MAK16: variants seen among roughly 807,000 people sequenced by gnomAD.
MAK16 encodes protein MAK16 homolog.
A neutral mutation model predicts 49.9 loss-of-function variants in MAK16; 12 were observed. That is an observed-to-expected ratio of 0.24 (90% CI 0.15 to 0.39). The LOEUF is 0.39. Ranked by LOEUF, MAK16 falls within the 10% of genes least tolerant of loss-of-function variation. The pLI is 1.00. For missense variants in MAK16, 292 were observed against 363.7 expected, an observed-to-expected ratio of 0.80 and a Z score of 1.60; for synonymous variants, 115 against 126.4, an observed-to-expected ratio of 0.91 and a Z score of 0.60.
Position 33,488,996 on chromosome 8 carries a change from T to A in MAK16, c.249T>A (p.Leu83=), listed in dbSNP as rs768515770. 6.2e-6 allele frequency: 10 copies of A among 1,614,034 alleles called. No homozygotes were observed. Among genetic ancestry groups the A allele is most frequent in the Admixed American group, 1.7e-5 (1 of 59,954 alleles). Residue 83 remains leucine (L), a synonymous_variant, in exon 5 of 10, where the codon CTT becomes CTA. Coordinates refer to ENST00000360128, the MANE Select transcript of MAK16 (RefSeq NM_032509.4). Reference sequence around the variant, plus strand: ...CTGTTTCTGTTTGGTAGGTCCGGCTTAGTAAAAACTATGAGAAAGCACTGG... The same window carrying A: ...CTGTTTCTGTTTGGTAGGTCCGGCTAAGTAAAAACTATGAGAAAGCACTGG... ...FPRRLWERVR[L]SKNYEKALEQ... is the part of the protein sequence containing the mutation.
At position 33,489,327 on chromosome 8, in the gene MAK16, A is replaced by G; in HGVS notation, c.392+188A>G. 1.8e-6 allele frequency: 1 copy of G among 546,690 alleles called. No individual in the cohort carries two copies. 33.9% of individuals were successfully genotyped at this position (546,690 alleles called of 1,614,324 possible). A position where few individuals can be genotyped will look rare whatever the true frequency, so the allele number is the denominator to read the frequency against. ...TATGGCAGGACTTTTAAAACAGTAG[A>G]ATACAACTTGATTATCACCCTCCTT... is the stretch of plus-strand genomic sequence containing the variant. On this transcript the variant is annotated intron_variant, in intron 5 of 9. Transcript: ENST00000360128. The surrounding 1 kb of genome is among the most constrained non-coding windows in gnomAD (Gnocchi z 4.2).
chr8:33,498,592 A>G lies in MAK16; in HGVS notation c.866A>G (p.Gln289Arg). Residue 289 changes from glutamine to arginine, a missense_variant, in exon 10 of 10, where the codon CAG (glutamine) becomes CGG (arginine). Gln to Arg is a conservative substitution (Grantham distance 43). Transcript: ENST00000360128. ...KRAYVEIEYE[Q>R]ETEPVAKAKT... is the part of the protein sequence containing the mutation. Reference sequence around the variant, plus strand: ...GCCTATGTGGAAATAGAATACGAGCAGGAGACAGAGCCCGTGGCCAAAGCC... The same window carrying G: ...GCCTATGTGGAAATAGAATACGAGCGGGAGACAGAGCCCGTGGCCAAAGCC... 6.2e-7 allele frequency: 1 copy of G among 1,614,036 alleles called. No individual in the cohort carries two copies. The highest frequency in any genetic ancestry group is 1.1e-5 in the South Asian group (1 of 91,084).
Position 33,496,717 on chromosome 8 carries a change from A to AGTT in MAK16, c.616_617insTTG (p.Lys205_Asp206insVal), listed in dbSNP as rs1808864363. The AGTT allele has an allele frequency of 4.3e-6, 7 of 1,610,470 alleles. No homozygotes were observed. Among genetic ancestry groups the AGTT allele is most frequent in the Non-Finnish European group, 5.9e-6 (7 of 1,178,164 alleles). Reference sequence around the variant, plus strand: ...GTGACTCTTCAGATACTGAGGAAAAAGATGATGATGATGATGATGAGGAAG... The same window carrying AGTT: ...GTGACTCTTCAGATACTGAGGAAAAAGTTGATGATGATGATGATGATGAGGAAG... On this transcript the variant is annotated inframe_insertion, in exon 8 of 10. Transcript: ENST00000360128.
intron 6 of MAK16, among the ~76,000 whole-genome samples, chr8:33,493,570 G>T (rs771383019): frequency 6.6e-6 from 1 of 152,166 alleles, no homozygotes; most frequent in African/African-American, 2.4e-5. Context: ...ATAACTGAGG[G>T]ATTGTAGAGA....
chr8:33,493,495 T>G (rs747382724), intron 6 of MAK16, among the ~76,000 whole-genome samples: 10 of 152,206 alleles, frequency 6.6e-5, no homozygotes, highest in Non-Finnish European at 1.2e-4. Flanking sequence ...TAACTAATTG[T>G]GATGTAGTGA....
At chr8:33,488,838 A>C (rs760513018) in intron 4 of MAK16, 40 bp downstream of exon 4, 1 of 1,610,434 alleles carries the variant, frequency 6.2e-7, no homozygotes, top group South Asian at 1.1e-5. Flanking sequence ...GCTGATCAAG[A>C]GCATCAAAGC....
At chr8:33,495,801 C>T (rs1363055557) in intron 7 of MAK16, among the ~76,000 whole-genome samples, 185 bp downstream of exon 7, 1 of 131,806 alleles carries the variant, frequency 7.6e-6, no homozygotes, top group East Asian at 2.5e-4. Context: ...ACTGCAACCT[C>T]TGCCTCCCAA....
In MAK16 at chr8:33,489,689, C is replaced by A. The variant is rs1808746903; in HGVS notation, c.392+550C>A. Among the ~76,000 whole-genome samples the A allele has an allele frequency of 6.6e-6, 1 of 152,070 alleles. No individual in the cohort carries two copies. The highest frequency in any genetic ancestry group is 1.5e-5 in the Non-Finnish European group (1 of 68,022). ...CCATGCCCAGCCTTCAGAAAATTTC[C>A]TCTATGACCCCCGAGGGAATCTTAA... On this transcript the variant is annotated intron_variant, in intron 5 of 9. Transcript: ENST00000360128. The surrounding 1 kb of genome is among the most constrained non-coding windows in gnomAD (Gnocchi z 4.2).
chr8:33,488,450 G>T (rs1808721839), intron 2 of MAK16, 23 bp downstream of exon 2: 1 of 1,614,052 alleles, frequency 6.2e-7, no homozygotes. Flanking sequence ...TTACAACTTG[G>T]TCAAAGATTC....
chr8:33,486,097 G>C (rs890216128), intron 1 of MAK16, among the ~76,000 whole-genome samples: 10 of 152,196 alleles, frequency 6.6e-5, no homozygotes, highest in African/African-American at 2.4e-4. Context: ...ATGTAAGACA[G>C]GTAATGAAAT....
intron 6 of MAK16, 80 bp from the exon 7 acceptor site, chr8:33,495,462 A>G (rs1808842040): frequency 8.4e-7 from 1 of 1,193,426 alleles, no homozygotes; most frequent in African/African-American, 1.5e-5. Context: ...CTTATAAACA[A>G]CTTGGTAGTT....
intron 1 of MAK16, among the ~76,000 whole-genome samples, chr8:33,487,503 G>A (rs1387047882): frequency 1.3e-5 from 2 of 150,496 alleles, no homozygotes; most frequent in Admixed American, 6.7e-5. Flanking sequence ...TCGGCTTACC[G>A]CAACTTCTGC....
chr8:33,494,674 A>G (rs1255791258), intron 6 of MAK16, among the ~76,000 whole-genome samples: 2 of 152,250 alleles, frequency 1.3e-5, no homozygotes, highest in Non-Finnish European at 2.9e-5. Flanking sequence ...AAATTTTTTA[A>G]GGAAAAAGAG....
chr8:33,501,015 T>G lies in MAK16; in HGVS notation c.*2386T>G, dbSNP rs1193058145. On this transcript the variant is annotated 3_prime_UTR_variant, in exon 10 of 10. Coordinates refer to ENST00000360128, the MANE Select transcript of MAK16 (RefSeq NM_032509.4). ...GAAGTCCAGCCTACTTACTTGTAAC[T>G]ATTAACCTTTCTAAAAGTTTTCATC... is the stretch of plus-strand genomic sequence containing the variant. The G allele has an allele frequency of 6.4e-6, 1 of 156,404 alleles. No individual in the cohort carries two copies. The highest frequency in any genetic ancestry group is 1.4e-5 in the Non-Finnish European group (1 of 70,726). 9.7% of individuals were successfully genotyped at this position (156,404 alleles called of 1,614,324 possible).
At chr8:33,487,501 C>T (rs999242464) in intron 1 of MAK16, among the ~76,000 whole-genome samples, 4 of 151,756 alleles carry the variant, frequency 2.6e-5, no homozygotes, top group Admixed American at 1.3e-4. Flanking sequence ...TCTCGGCTTA[C>T]CGCAACTTCT....
chr8:33,488,032 G>A (rs1808715224), intron 1 of MAK16, among the ~76,000 whole-genome samples: 1 of 152,118 alleles, frequency 6.6e-6, no homozygotes, highest in African/African-American at 2.4e-5. Context: ...GGGTTCAAGC[G>A]ATTCTCCTGC....
chr8:33,494,012 A>T (rs1808817123), intron 6 of MAK16, among the ~76,000 whole-genome samples: 1 of 152,170 alleles, frequency 6.6e-6, no homozygotes, highest in Non-Finnish European at 1.5e-5. Flanking sequence ...ATTTTTAAAA[A>T]TGTCTACTGG....
At chr8:33,498,360 G>A in intron 9 of MAK16, 72 bp from the exon 10 acceptor site, 1 of 1,333,168 alleles carries the variant, frequency 7.5e-7, no homozygotes, top group Non-Finnish European at 1.1e-6. Context: ...TCTAGATTGA[G>A]GGGACAAGGA....
chr8:33,496,689 A>G lies in MAK16; in HGVS notation c.587A>G (p.Glu196Gly), dbSNP rs1808863333. The G allele has an allele frequency of 6.2e-7, 1 of 1,613,674 alleles. No individual in the cohort carries two copies. The highest frequency in any genetic ancestry group is 2.2e-5 in the East Asian group (1 of 44,838). The change falls in exon 8 of 10, where the codon GAG (glutamate) becomes GGG (glycine). Residue 196 changes from glutamate (E) to glycine (G), a missense_variant. By Grantham distance (98) the Glu-to-Gly change is moderately conservative. Transcript: ENST00000360128. Reference sequence around the variant, plus strand: ...AAAGCCCTGGAACAACAGGAGGCAGAGAGTGACTCTTCAGATACTGAGGAA... The same window carrying G: ...AAAGCCCTGGAACAACAGGAGGCAGGGAGTGACTCTTCAGATACTGAGGAA... ...FDKALEQQEA[E>G]SDSSDTEEKD...
Sources: allele counts gnomAD v4.1 joint callset (sites outside exome capture counted in the v4.1 genomes callset), GRCh38; gene constraint gnomAD v4.1.1; non-coding constraint Gnocchi (gnomAD v3.1); transcripts MANE v1.5; gene names NCBI Gene and HGNC (gene_info 2026-07-23, HGNC 2026-07-21).